Variants in ARHGAP32 observed in about 807,000 individuals in gnomAD.
ARHGAP32 encodes the protein Rho GTPase activating protein 32.
In ARHGAP32, 51 loss-of-function variants were observed where a neutral mutation model predicts 186.5. The observed-to-expected ratio is 0.27, with a 90% CI of 0.22 to 0.35. ARHGAP32 has a LOEUF of 0.35. ARHGAP32 is among the 10% of genes least tolerant of loss of function. ARHGAP32 has a pLI of 1.00. For synonymous variants in ARHGAP32, 950 were observed against 964.3 expected, an observed-to-expected ratio of 0.99 and a Z score of 0.27; for missense variants, 2,186 against 2,623.5, an observed-to-expected ratio of 0.83 and a Z score of 3.64.
At chr11:128,974,025 C>A (rs763062894) in intron 21 of ARHGAP32, 99 bp downstream of exon 21, 1 of 1,388,908 alleles carries the variant, frequency 7.2e-7, no homozygotes, top group Non-Finnish European at 9.8e-7. Context: ...TGATTAAAGG[C>A]TAGCTGTGGA....
At chr11:129,100,389 A>G (rs1234692756) in intron 5 of ARHGAP32, among the ~76,000 whole-genome samples, 2 of 152,134 alleles carry the variant, frequency 1.3e-5, no homozygotes, top group Non-Finnish European at 1.5e-5. Flanking sequence ...GCTATATCAC[A>G]GCTTCTGCAA....
chr11:129,178,623 C>T (rs928970614), intron 1 of ARHGAP32, among the ~76,000 whole-genome samples: 3 of 151,952 alleles, frequency 2.0e-5, no homozygotes, highest in Non-Finnish European at 2.9e-5. Context: ...GAACAGAGCC[C>T]TCAGAAATAA....
intron 11 of ARHGAP32, among the ~76,000 whole-genome samples, chr11:129,008,106 G>C (rs1937881686): frequency 6.6e-6 from 1 of 152,058 alleles, no homozygotes; most frequent in Non-Finnish European, 1.5e-5. Context: ...TGGGGGAGGG[G>C]GTGGCAAAGG....
At chr11:129,162,675 C>T (rs907772210) in intron 2 of ARHGAP32, among the ~76,000 whole-genome samples, 14 of 152,082 alleles carry the variant, frequency 9.2e-5, no homozygotes, top group Admixed American at 3.3e-4. Context: ...ACATTTATTA[C>T]GGAACACTAA....
At chr11:129,076,264 CAT>C (rs142166523) in intron 6 of ARHGAP32, among the ~76,000 whole-genome samples, 2,949 of 152,266 alleles carry the variant, frequency 0.019, 45 homozygotes, top group African/African-American at 0.041. Context: ...CAAGAAATAA[CAT>C]AAAAATAGCC....
intron 1 of ARHGAP32, among the ~76,000 whole-genome samples, chr11:129,209,654 G>A (rs1468224952): frequency 2.4e-5 from 3 of 122,498 alleles, no homozygotes; most frequent in Non-Finnish European, 3.6e-5. Flanking sequence ...TCTATTCCTG[G>A]TTTACAAATT....
At position 128,974,277 on chromosome 11, in the gene ARHGAP32, T is replaced by C. The variant is rs1945479848; in HGVS notation, c.2920A>G (p.Lys974Glu). The change falls in exon 21 of 23, where the codon AAA becomes GAA. Residue 974 changes from lysine to glutamate, a missense_variant. Physicochemically the swap from Lys to Glu is moderately conservative, Grantham distance 56 (BLOSUM62 1). This residue lies in a region of ARHGAP32 where 1,502 missense variants were observed against 1,570.0 expected (regional missense o/e 0.96). Coordinates refer to ENST00000682385, the MANE Select transcript of ARHGAP32 (RefSeq NM_001378024.1). ...NRSPTQIVKM[K>E]TNETVAQEAY... is the part of the protein sequence containing the mutation. Reference sequence around the variant, plus strand: ...TCTTGGGCAACTGTCTCATTTGTTTTCATCTTTACTATCTGGGTGGGGGAT... The same window carrying C: ...TCTTGGGCAACTGTCTCATTTGTTTCCATCTTTACTATCTGGGTGGGGGAT... The C allele has an allele frequency of 6.2e-7, 1 of 1,614,218 alleles. No individual in the cohort carries two copies. Among genetic ancestry groups the C allele is most frequent in the Non-Finnish European group, 8.5e-7 (1 of 1,180,034 alleles).
In ARHGAP32 at chr11:128,974,999, T is replaced by G. The variant is rs769460644; in HGVS notation, c.2198A>C (p.Asp733Ala). The G allele has an allele frequency of 5.0e-6, 8 of 1,596,006 alleles. No homozygotes were observed. The highest frequency in any genetic ancestry group is 6.8e-6 in the Non-Finnish European group (8 of 1,172,640). Residue 733 changes from aspartate to alanine, a missense_variant, in exon 21 of 23, where the codon GAT (aspartate) becomes GCT (alanine). Physicochemically the swap from Asp to Ala is moderately radical, Grantham distance 126. Coordinates refer to ENST00000682385, the MANE Select transcript of ARHGAP32 (RefSeq NM_001378024.1). ...TCTTCTGGGTCGGAAGAGCTTAGAA[T>G]CACCTGGAAAAAATGAATAACAGTG... The part of the protein sequence containing the change: ...SLTSLHAVDG[D>A]SKLFRPRRPR...
At chr11:129,110,706 T>C (rs999742996) in intron 5 of ARHGAP32, among the ~76,000 whole-genome samples, 2 of 152,182 alleles carry the variant, frequency 1.3e-5, no homozygotes, top group African/African-American at 4.8e-5. Context: ...GTAAATACGA[T>C]TGCCTTCTTC....
intron 1 of ARHGAP32, among the ~76,000 whole-genome samples, chr11:129,174,718 T>A (rs1334097231): frequency 6.6e-6 from 1 of 152,110 alleles, no homozygotes; most frequent in Non-Finnish European, 1.5e-5. Flanking sequence ...CCCACAGACC[T>A]GCAGCTGAGG....
At chr11:128,995,447 C>T (rs910336279) in intron 12 of ARHGAP32, among the ~76,000 whole-genome samples, 1 of 152,192 alleles carries the variant, frequency 6.6e-6, no homozygotes, top group African/African-American at 2.4e-5. Context: ...TGGCCTCCAG[C>T]GATCCTCCTA....
chr11:129,269,132 CGTG>C (rs1480902298), intron 1 of ARHGAP32, among the ~76,000 whole-genome samples: 1 of 151,914 alleles, frequency 6.6e-6, no homozygotes, highest in Non-Finnish European at 1.5e-5. Context: ...ATTAGCCAGA[CGTG>C]GTGGTGCACA....
chr11:129,127,300 C>G (rs1385408019), intron 2 of ARHGAP32, among the ~76,000 whole-genome samples: 2 of 152,184 alleles, frequency 1.3e-5, no homozygotes, highest in Non-Finnish European at 2.9e-5. Flanking sequence ...ACGGGAAAAC[C>G]TCTGCCTAAA....
chr11:129,270,458 G>C (rs1174424085), intron 1 of ARHGAP32, among the ~76,000 whole-genome samples: 4 of 151,464 alleles, frequency 2.6e-5, no homozygotes, highest in Non-Finnish European at 4.4e-5. Flanking sequence ...TTATTAATTT[G>C]TCCAAATCCA....
intron 1 of ARHGAP32, among the ~76,000 whole-genome samples, chr11:129,213,658 C>A (rs1944610119): frequency 6.6e-6 from 1 of 152,086 alleles, no homozygotes; most frequent in Non-Finnish European, 1.5e-5. Context: ...CTGAAAATGT[C>A]AGCTTCCCTT....
chr11:129,003,644 TTC>T (rs1937625858), intron 11 of ARHGAP32, among the ~76,000 whole-genome samples: 1 of 152,186 alleles, frequency 6.6e-6, no homozygotes, highest in South Asian at 2.1e-4. Context: ...TATCCACTTA[TTC>T]TAGATTTTCC....
At chr11:129,155,700 C>CA (rs61612151) in intron 2 of ARHGAP32, among the ~76,000 whole-genome samples, 5,105 of 143,174 alleles carry the variant, frequency 0.036, 90 homozygotes, top group African/African-American at 0.054. Context: ...AGAAATGTGT[C>CA]AAAAAAAAAA....
chr11:129,155,759 T>A (rs973435181), intron 2 of ARHGAP32, among the ~76,000 whole-genome samples: 1 of 151,040 alleles, frequency 6.6e-6, no homozygotes, highest in Non-Finnish European at 1.5e-5. Context: ...AAAGAGTTGA[T>A]TGAGGACACT....
At chr11:129,176,757 T>TA in intron 1 of ARHGAP32, among the ~76,000 whole-genome samples, 1 of 150,032 alleles carries the variant, frequency 6.7e-6, no homozygotes, top group East Asian at 2.0e-4. Flanking sequence ...AGACACAACA[T>TA]ACCAGAATCT....
Sources: allele counts gnomAD v4.1 joint callset (sites outside exome capture counted in the v4.1 genomes callset), GRCh38; gene constraint gnomAD v4.1.1; regional missense constraint gnomAD v4.1.1; transcripts MANE v1.5; gene names NCBI Gene and HGNC (gene_info 2026-07-23, HGNC 2026-07-21).